Variants in ZBTB20 observed in about 807,000 individuals in gnomAD.
ZBTB20 encodes zinc finger and BTB domain-containing protein 20.
Under a neutral mutation model 56.9 loss-of-function variants are expected in ZBTB20, and 9 were observed. That is an observed-to-expected ratio of 0.16 (90% confidence interval 0.10 to 0.28). The LOEUF (loss-of-function observed/expected upper bound fraction) is 0.28, where lower values mean the gene tolerates loss of function less well. ZBTB20 is among the 10% of genes least tolerant of loss of function. The pLI is 1.00. For synonymous variants in ZBTB20, 417 were observed against 420.7 expected (o/e 0.99, Z 0.11); for missense variants, 655 against 1,003.0 (o/e 0.65, Z 4.69).
chr3:115,073,387 T>A (rs1174812339), intron 1 of ZBTB20, among the ~76,000 whole-genome samples: 2 of 152,188 alleles, frequency 1.3e-5, no homozygotes, highest in African/African-American at 4.8e-5. Flanking sequence ...CAGATAAATC[T>A]TTGGCATTGG....
intron 2 of ZBTB20, among the ~76,000 whole-genome samples, chr3:115,001,088 CA>C (rs200876162): frequency 0.015 from 1,287 of 85,758 alleles, 3 homozygotes; most frequent in African/African-American, 0.025. Flanking sequence ...TCCCACAAAT[CA>C]AAAAAAAAAA....
At chr3:114,703,661 AACAG>A (rs2063530473) in intron 5 of ZBTB20, among the ~76,000 whole-genome samples, 1 of 152,202 alleles carries the variant, frequency 6.6e-6, no homozygotes. Context: ...GACTGGTAAA[AACAG>A]ACAGTGATAT....
intron 5 of ZBTB20, among the ~76,000 whole-genome samples, chr3:114,698,168 A>G (rs1272195524): frequency 6.6e-6 from 1 of 152,158 alleles, no homozygotes; most frequent in East Asian, 1.9e-4. Flanking sequence ...TCATCAGGGT[A>G]AAGAGAAATA....
chr3:114,565,132 T>C (rs1287718238), intron 6 of ZBTB20, among the ~76,000 whole-genome samples: 1 of 152,160 alleles, frequency 6.6e-6, no homozygotes, highest in Non-Finnish European at 1.5e-5. Context: ...AAATATAAAA[T>C]AATGCCAACA....
intron 6 of ZBTB20, among the ~76,000 whole-genome samples, chr3:114,596,721 A>G (rs1008403121): frequency 2.6e-5 from 4 of 152,178 alleles, no homozygotes; most frequent in Non-Finnish European, 4.4e-5. Flanking sequence ...AGAGAGAGGA[A>G]GAGCAAGAGG....
intron 6 of ZBTB20, among the ~76,000 whole-genome samples, chr3:114,551,132 A>G (rs1015976313): frequency 1.3e-5 from 2 of 152,300 alleles, no homozygotes; most frequent in Non-Finnish European, 2.9e-5. Flanking sequence ...AATTATTTCG[A>G]TTGTCTTTAA....
At chr3:114,452,048 C>A (rs1304371953) in intron 7 of ZBTB20, among the ~76,000 whole-genome samples, 2 of 146,076 alleles carry the variant, frequency 1.4e-5, no homozygotes, top group East Asian at 4.2e-4. Context: ...TTGGTCACAT[C>A]AAAAACAGAC....
Position 114,451,850 on chromosome 3 carries a change from C to T in ZBTB20, c.-255+48502G>A, listed in dbSNP as rs370803000. 7.2e-5 allele frequency among the ~76,000 whole-genome samples: 11 copies of T among 152,052 alleles called. No homozygotes were observed. In the East Asian group the frequency reaches 1.9e-3, roughly 27 times the overall value. On this transcript the variant is annotated intron_variant, in intron 7 of 11. Transcript: ENST00000675478. ...CTCTATTTTTTTTCCCTTTTCTCCT[C>T]GACTGTGAATGTGTCACTCTCAGGT...
intron 4 of ZBTB20, among the ~76,000 whole-genome samples, chr3:114,807,268 C>T (rs1035362749): frequency 1.3e-5 from 2 of 151,692 alleles, no homozygotes; most frequent in Non-Finnish European, 2.9e-5. Flanking sequence ...TTTATTAGTT[C>T]GTGTGTGTGG....
intron 6 of ZBTB20, among the ~76,000 whole-genome samples, chr3:114,554,217 C>T (rs555643910): frequency 6.6e-6 from 1 of 152,290 alleles, no homozygotes; most frequent in African/African-American, 2.4e-5. Flanking sequence ...AACCAAGGAC[C>T]ACTTCAGTGA....
intron 5 of ZBTB20, among the ~76,000 whole-genome samples, chr3:114,784,328 G>A (rs1036823937): frequency 6.6e-6 from 1 of 152,102 alleles, no homozygotes; most frequent in Admixed American, 6.6e-5. Context: ...AGCAGTAGAT[G>A]AACAGAAACA....
At chr3:114,818,864 A>G (rs2073092752) in intron 4 of ZBTB20, among the ~76,000 whole-genome samples, 2 of 152,128 alleles carry the variant, frequency 1.3e-5, no homozygotes, top group Admixed American at 1.3e-4. Flanking sequence ...TAAGAAAGGA[A>G]ATAGACAGTC....
chr3:115,104,709 T>C (rs1274882198), intron 1 of ZBTB20, among the ~76,000 whole-genome samples: 3 of 151,788 alleles, frequency 2.0e-5, no homozygotes, highest in African/African-American at 4.8e-5. Context: ...GAGTTTAGGG[T>C]AGAGAGAGGG....
At chr3:115,111,790 T>G (rs1216546268) in intron 1 of ZBTB20, among the ~76,000 whole-genome samples, 3 of 152,172 alleles carry the variant, frequency 2.0e-5, no homozygotes, top group African/African-American at 7.2e-5. Flanking sequence ...TCAAAATATT[T>G]ATAGCTCATA....
intron 6 of ZBTB20, among the ~76,000 whole-genome samples, chr3:114,606,602 T>C (rs1463806299): frequency 6.6e-6 from 1 of 152,140 alleles, no homozygotes; most frequent in Non-Finnish European, 1.5e-5. Context: ...GCCACGTGTG[T>C]ATTTATACTG....
At chr3:114,535,837 C>T (rs775357442) in intron 6 of ZBTB20, among the ~76,000 whole-genome samples, 1 of 152,162 alleles carries the variant, frequency 6.6e-6, no homozygotes. Flanking sequence ...GATGGTTCAA[C>T]ATACACAAAT....
At chr3:114,569,894 T>C (rs1006983864) in intron 6 of ZBTB20, among the ~76,000 whole-genome samples, 1 of 152,166 alleles carries the variant, frequency 6.6e-6, no homozygotes, top group Non-Finnish European at 1.5e-5. Flanking sequence ...CCTTCACTTT[T>C]ATGCATAAAC....
intron 4 of ZBTB20, among the ~76,000 whole-genome samples, chr3:114,881,650 G>A (rs892332108): frequency 2.0e-5 from 3 of 151,750 alleles, no homozygotes; most frequent in Non-Finnish European, 4.4e-5. Flanking sequence ...ATCAGGGATT[G>A]ATAAGTAATA....
intron 7 of ZBTB20, among the ~76,000 whole-genome samples, chr3:114,472,024 C>T (rs370344475): frequency 2.6e-5 from 4 of 152,060 alleles, no homozygotes; most frequent in South Asian, 2.1e-4. Context: ...TTTCCTTAGG[C>T]GAATAGGAGG....
Sources: allele counts gnomAD v4.1 joint callset (sites outside exome capture counted in the v4.1 genomes callset), GRCh38; gene constraint gnomAD v4.1.1; transcripts MANE v1.5; gene names NCBI Gene and HGNC (gene_info 2026-07-23, HGNC 2026-07-21).